Variants in PGM1 observed in about 807,000 individuals in gnomAD.
PGM1 encodes the protein phosphoglucomutase 1, also known as phosphoglucomutase-1.
A neutral mutation model predicts 55.6 loss-of-function variants in PGM1; 52 were observed. The observed-to-expected ratio is 0.94, with a 90% CI of 0.75 to 1.18. The LOEUF (loss-of-function observed/expected upper bound fraction) is 1.18, where lower values mean the gene tolerates loss of function less well. Among genes scored for constraint, PGM1 ranks in the 50% most tolerant of loss-of-function variants. The pLI is 0.00. For missense variants in PGM1, 724 were observed against 729.3 expected (o/e 0.99, Z 0.08); for synonymous variants, 287 against 271.7 (o/e 1.06, Z -0.55).
intron 7 of PGM1, among the ~76,000 whole-genome samples, chr1:63,639,318 A>C (rs1649453211): frequency 6.6e-6 from 1 of 152,192 alleles, no homozygotes; most frequent in Non-Finnish European, 1.5e-5. Context: ...TCAAGAAATT[A>C]AAAATACATC....
At chr1:63,612,471 C>T (rs770493862) in intron 1 of PGM1, among the ~76,000 whole-genome samples, 2 of 152,116 alleles carry the variant, frequency 1.3e-5, no homozygotes, top group Non-Finnish European at 2.9e-5. Context: ...TTTTGACATA[C>T]AGTGTGGTTG....
intron 8 of PGM1, 30 bp from the exon 9 acceptor site, chr1:63,651,639 C>T (rs778676962): frequency 1.2e-5 from 20 of 1,608,092 alleles, no homozygotes; most frequent in African/African-American, 5.4e-5. Context: ...GCAGTCAGCC[C>T]GTGGGCCTCA....
intron 1 of PGM1, among the ~76,000 whole-genome samples, chr1:63,595,913 C>G (rs756660903): frequency 6.6e-6 from 1 of 152,172 alleles, no homozygotes; most frequent in Non-Finnish European, 1.5e-5. Context: ...TCTCAGCCAA[C>G]CTTTGTAAAA....
At chr1:63,631,579 G>A in intron 3 of PGM1, 78 bp from the exon 4 acceptor site, 2 of 1,377,186 alleles carry the variant, frequency 1.5e-6, no homozygotes, top group Non-Finnish European at 1.0e-6. Context: ...CAGGTTTACA[G>A]CAATATAGTC....
At position 63,631,527 on chromosome 1, in the gene PGM1, T is replaced by A; in HGVS notation, c.557-130T>A. On this transcript the variant is annotated intron_variant, in intron 3 of 10. Transcript: ENST00000371084. ...ATCGGATATCACTTAACAGCCGTAT[T>A]ATTGGAGCTGTTCAATAATTGTCCT... The A allele has an allele frequency of 4.9e-6, 4 of 823,904 alleles. No homozygotes were observed. In the South Asian group the frequency reaches 5.5e-5, roughly 11 times the overall value. 51.0% of individuals were successfully genotyped at this position (823,904 alleles called of 1,614,324 possible).
chr1:63,607,078 T>C (rs1648442067), intron 1 of PGM1, among the ~76,000 whole-genome samples: 1 of 152,182 alleles, frequency 6.6e-6, no homozygotes, highest in South Asian at 2.1e-4. Flanking sequence ...TTCAGAATAT[T>C]TCCATGATCC....
intron 1 of PGM1, among the ~76,000 whole-genome samples, chr1:63,605,124 C>T (rs1022148950): frequency 4.6e-5 from 7 of 152,084 alleles, no homozygotes; most frequent in Non-Finnish European, 8.8e-5. Flanking sequence ...GAACTCTATC[C>T]ACCTGCTCAT....
At chr1:63,620,432 T>C (rs1648850968) in intron 1 of PGM1, among the ~76,000 whole-genome samples, 1 of 152,206 alleles carries the variant, frequency 6.6e-6, no homozygotes, top group Non-Finnish European at 1.5e-5. Flanking sequence ...CCTTTCTTTC[T>C]AGTGCTTATG....
At chr1:63,611,590 A>G (rs922211741) in intron 1 of PGM1, among the ~76,000 whole-genome samples, 2 of 152,118 alleles carry the variant, frequency 1.3e-5, no homozygotes, top group African/African-American at 4.8e-5. Context: ...AGGATTTTGG[A>G]GACAGGATCA....
chr1:63,617,877 TG>T (rs1396269567), intron 1 of PGM1, among the ~76,000 whole-genome samples: 3 of 146,422 alleles, frequency 2.0e-5, no homozygotes, highest in Non-Finnish European at 4.5e-5. Flanking sequence ...TCAGTGTGTG[TG>T]GTTTTTTTTT....
chr1:63,597,288 A>G (rs1176789042), intron 1 of PGM1, among the ~76,000 whole-genome samples: 2 of 152,200 alleles, frequency 1.3e-5, no homozygotes, highest in Non-Finnish European at 2.9e-5. Context: ...ATGAATACAA[A>G]TTGAGGGAGT....
intron 8 of PGM1, among the ~76,000 whole-genome samples, chr1:63,650,742 G>C (rs767075747): frequency 6.6e-6 from 1 of 152,142 alleles, no homozygotes; most frequent in African/African-American, 2.4e-5. Context: ...AAGTCAAAAA[G>C]AATTCTTGAA....
chr1:63,593,590 C>A lies in PGM1; in HGVS notation c.102C>A (p.Asn34Lys), dbSNP rs1647931222. 1 of 1,613,604 alleles carries A rather than the reference C, an allele frequency of 6.2e-7. No homozygotes were observed. Among genetic ancestry groups the A allele is most frequent in the South Asian group, 1.1e-5 (1 of 91,042 alleles). ...TGAAGGTGTTCCAGAGCAGCGCCAA[C>A]TACGCGGAGAACTTCATCCAGAGTA... is the stretch of plus-strand genomic sequence containing the variant. ...KRVKVFQSSA[N>K]YAENFIQSII... Residue 34 changes from asparagine (N) to lysine (K), a missense_variant, in exon 1 of 11, where the codon AAC becomes AAA. This residue lies in a region of PGM1 where 379 missense variants were observed against 357.5 expected (regional missense o/e 1.06). Coordinates refer to ENST00000371084, the MANE Select transcript of PGM1 (RefSeq NM_002633.3).
intron 1 of PGM1, among the ~76,000 whole-genome samples, chr1:63,619,537 C>T (rs1648829806): frequency 6.6e-6 from 1 of 152,222 alleles, no homozygotes; most frequent in Non-Finnish European, 1.5e-5. Context: ...TCTTTTTCCA[C>T]TCTTATTTCT....
Position 63,631,729 on chromosome 1 carries a change from A to G in PGM1, c.629A>G (p.Glu210Gly). 1 of 1,611,886 alleles carries G rather than the reference A, an allele frequency of 6.2e-7. No homozygotes were observed. The change falls in exon 4 of 11, where the codon GAA becomes GGA. Residue 210 changes from glutamate to glycine, a missense_variant. Coordinates refer to ENST00000371084, the MANE Select transcript of PGM1 (RefSeq NM_002633.3). ...ATCTTTGATTTCAGTGCACTGAAAGAACTACTTTCTGGGCCAAACCGACTG... is the reference window on the plus strand; with the variant it reads ...ATCTTTGATTTCAGTGCACTGAAAGGACTACTTTCTGGGCCAAACCGACTG... The part of the protein sequence containing the change: ...RSIFDFSALK[E>G]LLSGPNRLKI...
chr1:63,604,184 C>T (rs559766002), intron 1 of PGM1, among the ~76,000 whole-genome samples: 15 of 152,186 alleles, frequency 9.9e-5, no homozygotes, highest in Non-Finnish European at 2.1e-4. Context: ...ATTTGATGTA[C>T]ACCACGTAGC....
intron 4 of PGM1, among the ~76,000 whole-genome samples, chr1:63,632,846 A>C (rs929652366): frequency 2.0e-5 from 3 of 152,128 alleles, no homozygotes; most frequent in Admixed American, 6.5e-5. Flanking sequence ...CCCCATCTCT[A>C]TAAAAGTCTC....
intron 1 of PGM1, among the ~76,000 whole-genome samples, chr1:63,619,217 TC>T (rs1431085197): frequency 1.3e-5 from 2 of 152,170 alleles, no homozygotes; most frequent in African/African-American, 4.8e-5. Flanking sequence ...GGAGTCAGGG[TC>T]CTGGAGTAGA....
chr1:63,643,461 G>T (rs1193509368), intron 7 of PGM1, among the ~76,000 whole-genome samples: 1 of 152,238 alleles, frequency 6.6e-6, no homozygotes, highest in Non-Finnish European at 1.5e-5. Context: ...AGGAAACCAA[G>T]TTCCAGGGGC....
Sources: gnomAD v4.1 joint callset for allele counts (sites outside exome capture counted in the v4.1 genomes callset) on GRCh38, gnomAD v4.1.1 for gene constraint, gnomAD v4.1.1 regional missense constraint, MANE v1.5 for transcripts, NCBI Gene and HGNC (gene_info 2026-07-23, HGNC 2026-07-21) for gene names.